Variants in HECA observed in about 807,000 individuals in gnomAD.
HECA encodes headcase protein homolog.
In HECA, 13 loss-of-function variants were observed where a neutral mutation model predicts 37.6. The ratio of observed to expected loss-of-function variants is 0.35; its 90% CI spans 0.23 to 0.55. The LOEUF (loss-of-function observed/expected upper bound fraction) is 0.55, where lower values mean the gene tolerates loss of function less well. HECA is among the 20% of genes least tolerant of loss of function. The pLI, the probability that HECA is intolerant of heterozygous loss-of-function variation, is 0.90. For synonymous variants in HECA, 307 were observed against 291.5 expected (o/e 1.05, Z -0.54); for missense variants, 527 against 701.9 (o/e 0.75, Z 2.82).
At chr6:139,137,084 C>A (rs1774457699) in intron 1 of HECA, among the ~76,000 whole-genome samples, 1 of 152,198 alleles carries the variant, frequency 6.6e-6, no homozygotes, top group African/African-American at 2.4e-5. Flanking sequence ...TATTTATTTT[C>A]AGAAACAAAC....
chr6:139,145,832 A>G (rs140436314), intron 1 of HECA, among the ~76,000 whole-genome samples: 45 of 152,248 alleles, frequency 3.0e-4, no homozygotes, highest in African/African-American at 1.1e-3. Flanking sequence ...TGGTGGTAAT[A>G]TCAGCTTGGT....
At chr6:139,150,541 A>C (rs1774638112) in intron 1 of HECA, among the ~76,000 whole-genome samples, 1 of 151,422 alleles carries the variant, frequency 6.6e-6, no homozygotes, top group African/African-American at 2.4e-5. Flanking sequence ...ATTAATTTTA[A>C]ATATTTTTTT....
intron 1 of HECA, among the ~76,000 whole-genome samples, chr6:139,137,173 T>G (rs2498675): frequency 0.12 from 18,947 of 152,186 alleles, 1,495 homozygotes; most frequent in East Asian, 0.19. Context: ...TTCTCCTGGC[T>G]TTAACCTTCA....
intron 1 of HECA, among the ~76,000 whole-genome samples, chr6:139,150,783 T>G (rs1262194869): frequency 2.6e-5 from 4 of 152,132 alleles, no homozygotes; most frequent in Admixed American, 6.5e-5. Flanking sequence ...TCCACAAAAG[T>G]TAGTAATTGG....
At position 139,177,186 on chromosome 6, in the gene HECA, C is replaced by T. The variant is rs1775064500; in HGVS notation, c.*81C>T. On this transcript the variant is annotated 3_prime_UTR_variant, in exon 4 of 4. Coordinates refer to ENST00000367658, the MANE Select transcript of HECA (RefSeq NM_016217.3). This position sits in a 1 kb window ranked among gnomAD's most constrained non-coding sequence, Gnocchi z 4.9. ...TCTTTTATAGGGAAACATTCTGTGA[C>T]ATTAATTTCCTTTCTAATTTAAAGG... The T allele has an allele frequency of 1.5e-6, 1 of 660,498 alleles. No individual in the cohort carries two copies. Among genetic ancestry groups the T allele is most frequent in the Non-Finnish European group, 2.6e-6 (1 of 387,490 alleles). 40.9% of individuals were successfully genotyped at this position (660,498 alleles called of 1,614,324 possible). A position where few individuals can be genotyped will look rare whatever the true frequency, so the allele number is the denominator to read the frequency against.
chr6:139,138,648 A>G (rs903840557), intron 1 of HECA, among the ~76,000 whole-genome samples: 1 of 152,322 alleles, frequency 6.6e-6, no homozygotes, highest in East Asian at 1.9e-4. Context: ...GTAAAGGAAG[A>G]TTACTAGTTA....
chr6:139,166,048 C>T, intron 1 of HECA: 1 of 443,978 alleles, frequency 2.3e-6, no homozygotes, highest in Non-Finnish European at 4.0e-6. Flanking sequence ...CAACCTAAAG[C>T]TCAGGATGAA....
At chr6:139,158,652 C>T (rs1407993221) in intron 1 of HECA, among the ~76,000 whole-genome samples, 12 of 127,118 alleles carry the variant, frequency 9.4e-5, no homozygotes, top group Non-Finnish European at 1.9e-4. Context: ...GTGTGAGCAA[C>T]AGAGCAAGAC....
At chr6:139,163,206 C>T (rs555803120) in intron 1 of HECA, among the ~76,000 whole-genome samples, 9 of 152,162 alleles carry the variant, frequency 5.9e-5, no homozygotes, top group Non-Finnish European at 8.8e-5. Context: ...CTGGCCTCTA[C>T]GGGATGGACA....
intron 1 of HECA, among the ~76,000 whole-genome samples, chr6:139,164,044 ACT>A (rs1398396690): frequency 4.1e-5 from 6 of 145,164 alleles, no homozygotes; most frequent in South Asian, 2.2e-4. Flanking sequence ...GTCAGCATGG[ACT>A]CTCACACACA....
rs553001159 is a variant in HECA, at chr6:139,166,468, C to T, written c.456C>T (p.Arg152=). The T allele has an allele frequency of 3.6e-5, 58 of 1,614,174 alleles. No homozygotes were observed. In the South Asian group the frequency reaches 6.4e-4, roughly 18 times the overall value. The change falls in exon 2 of 4, where the codon CGC becomes CGT. Residue 152 remains arginine, a synonymous_variant. Transcript: ENST00000367658. ...AGTTCAACTGCATCGGCCGCGCGCGCAGCTGGAACGAGAAGCAATGCCGCC... is the reference window on the plus strand; with the variant it reads ...AGTTCAACTGCATCGGCCGCGCGCGTAGCTGGAACGAGAAGCAATGCCGCC... ...LVQFNCIGRA[R]SWNEKQCRQN...
In HECA at chr6:139,135,485, T is replaced by G; in HGVS notation, c.89T>G (p.Leu30Arg). The G allele has an allele frequency of 1.7e-6, 2 of 1,193,296 alleles. No individual in the cohort carries two copies. Among genetic ancestry groups the G allele is most frequent in the Non-Finnish European group, 1.1e-6 (1 of 941,334 alleles). The allele number at this position is 1,193,296 out of a possible 1,614,324, so 73.9% of individuals were successfully genotyped here. A position where few individuals can be genotyped will look rare whatever the true frequency, so the allele number is the denominator to read the frequency against. Reference sequence around the variant, plus strand: ...GAGCAGGAAAATGGAGCCGGGGCCCTGGCAGCGGCGGGCGCGGCGGGAGCG... The same window carrying G: ...GAGCAGGAAAATGGAGCCGGGGCCCGGGCAGCGGCGGGCGCGGCGGGAGCG... ...GDEQENGAGALAAAGAAGAAA... is the reference protein window; with the variant it reads ...GDEQENGAGARAAAGAAGAAA... Residue 30 changes from leucine to arginine, a missense_variant, in exon 1 of 4, where the codon CTG becomes CGG. This residue lies in a region of HECA where 172 missense variants were observed against 197.6 expected (regional missense o/e 0.87). Transcript: ENST00000367658.
rs1333701138 is a variant in HECA at position 139,180,695 on chromosome 6, A to C, written c.*3590A>C. The C allele has an allele frequency of 1.3e-5, 2 of 151,362 alleles. No homozygotes were observed. The highest frequency in any genetic ancestry group is 4.8e-5 in the African/African-American group (2 of 41,444). The allele number at this position is 151,362 out of a possible 1,614,324, so 9.4% of individuals were successfully genotyped here. The stretch of plus-strand genomic sequence containing the variant: ...TGAGGAAAGACAGTGTAAATAGTTA[A>C]AGAATGTTGATAAAATTGAAACATT... On this transcript the variant is annotated 3_prime_UTR_variant, in exon 4 of 4. Coordinates refer to ENST00000367658, the MANE Select transcript of HECA (RefSeq NM_016217.3).
rs145827602 is a variant in HECA, at chr6:139,160,743, G to A, written c.272-5541G>A. On this transcript the variant is annotated intron_variant, in intron 1 of 3. Transcript: ENST00000367658. ...TTACTTATTTTCTAAACACCTGTAT[G>A]GCATGTTCAAAACATTGGAAAAAGT... Among the ~76,000 whole-genome samples the A allele has an allele frequency of 2.0e-5, 3 of 152,288 alleles. No homozygotes were observed. In the East Asian group the frequency reaches 5.8e-4, roughly 29 times the overall value.
chr6:139,161,300 C>T (rs1172691848), intron 1 of HECA, among the ~76,000 whole-genome samples: 1 of 152,074 alleles, frequency 6.6e-6, no homozygotes, highest in Non-Finnish European at 1.5e-5. Context: ...ATGCTCTTGG[C>T]TTTGTATTTG....
At position 139,136,590 on chromosome 6, in the gene HECA, G is replaced by A. The variant is rs1013277279; in HGVS notation, c.271+923G>A. 3.3e-5 allele frequency among the ~76,000 whole-genome samples: 5 copies of A among 150,590 alleles called. No homozygotes were observed. The South Asian group carries it at 1.0e-3, about 32-fold the overall frequency. ...TGTTATATCTGGCTTTTAATTTATA[G>A]CGTCAGCTTTTGAAGCCATTCTTTA... On this transcript the variant is annotated intron_variant, in intron 1 of 3. Coordinates refer to ENST00000367658, the MANE Select transcript of HECA (RefSeq NM_016217.3).
At chr6:139,167,435 T>A in intron 2 of HECA, 111 bp downstream of exon 2, 1 of 899,214 alleles carries the variant, frequency 1.1e-6, no homozygotes, top group Non-Finnish European at 1.7e-6. Flanking sequence ...TTTTTTGTTC[T>A]AGTCAGGTGC....
intron 1 of HECA, 31 bp downstream of exon 1, chr6:139,135,698 C>A: frequency 1.0e-6 from 1 of 966,438 alleles, no homozygotes; most frequent in Non-Finnish European, 1.2e-6. Context: ...CGAGCGCCAA[C>A]TTCCTCCCCG....
At position 139,180,697 on chromosome 6, in the gene HECA, G is replaced by A. The variant is rs1410733517; in HGVS notation, c.*3592G>A. ...AGGAAAGACAGTGTAAATAGTTAAAGAATGTTGATAAAATTGAAACATTTG... is the reference window on the plus strand; with the variant it reads ...AGGAAAGACAGTGTAAATAGTTAAAAAATGTTGATAAAATTGAAACATTTG... On this transcript the variant is annotated 3_prime_UTR_variant, in exon 4 of 4. Transcript: ENST00000367658. 6.5e-6 allele frequency: 1 copy of A among 152,736 alleles called. No individual in the cohort carries two copies. Among genetic ancestry groups the A allele is most frequent in the East Asian group, 1.9e-4 (1 of 5,190 alleles). 9.5% of individuals were successfully genotyped at this position (152,736 alleles called of 1,614,324 possible).
Sources: allele counts gnomAD v4.1 joint callset (sites outside exome capture counted in the v4.1 genomes callset), GRCh38; gene constraint gnomAD v4.1.1; regional missense constraint gnomAD v4.1.1; non-coding constraint Gnocchi (gnomAD v3.1); transcripts MANE v1.5; gene names NCBI Gene and HGNC (gene_info 2026-07-23, HGNC 2026-07-21).